Variants in IQSEC1 observed in about 807,000 individuals in gnomAD.
The protein encoded by IQSEC1 is IQ motif and SEC7 domain-containing protein 1.
A neutral mutation model predicts 91.0 loss-of-function variants in IQSEC1; 31 were observed. The ratio of observed to expected loss-of-function variants is 0.34; its 90% CI spans 0.26 to 0.46. The LOEUF (loss-of-function observed/expected upper bound fraction) is 0.46, where lower values mean the gene tolerates loss of function less well. Ranked by LOEUF, IQSEC1 falls within the 20% of genes least tolerant of loss-of-function variation. IQSEC1 has a pLI of 1.00. For missense variants in IQSEC1, 1,388 were observed against 1,575.6 expected (o/e 0.88, Z 2.02); for synonymous variants, 699 against 662.6 (o/e 1.05, Z -0.84).
chr3:12,967,684 C>A lies in IQSEC1; in HGVS notation c.24-25819G>T, dbSNP rs926693471. ...CCAAGCCCGCCCCTCCGCCGCCGCCCGCTTGGCGCAGCGCGAGGCCGGGCC... is the reference window on the plus strand; with the variant it reads ...CCAAGCCCGCCCCTCCGCCGCCGCCAGCTTGGCGCAGCGCGAGGCCGGGCC... On this transcript the variant is annotated intron_variant, in intron 1 of 13. Coordinates refer to ENST00000613206, the MANE Select transcript of IQSEC1 (RefSeq NM_001134382.3). The surrounding 1 kb of genome is among the most constrained non-coding windows in gnomAD (Gnocchi z 5.9). 2.6e-6 allele frequency: 3 copies of A among 1,162,318 alleles called. No individual in the cohort carries two copies. In the Admixed American group the frequency reaches 1.4e-4, roughly 55 times the overall value. The allele number at this position is 1,162,318 out of a possible 1,614,324, so 72.0% of individuals were successfully genotyped here.
chr3:13,054,067 C>T (rs975105622), intron 1 of IQSEC1, among the ~76,000 whole-genome samples: 1 of 152,184 alleles, frequency 6.6e-6, no homozygotes, highest in Non-Finnish European at 1.5e-5. Flanking sequence ...GGAAGCATTC[C>T]TCCCCTCGCC....
rs548811387 is a variant in IQSEC1 at position 12,908,039 on chromosome 3, G to C, written c.2755+310C>G. On this transcript the variant is annotated intron_variant, in intron 12 of 13. Coordinates refer to ENST00000613206, the MANE Select transcript of IQSEC1 (RefSeq NM_001134382.3). This position sits in a 1 kb window ranked among gnomAD's most constrained non-coding sequence, Gnocchi z 4.9. ...CACAGCCGCCGGCTCACTCGGGCTA[G>C]AGCGACTTCCCAGATCAATAAACAA... Among the ~76,000 whole-genome samples, 2 of 152,336 alleles carry C rather than the reference G, an allele frequency of 1.3e-5. No homozygotes were observed. Among genetic ancestry groups the C allele is most frequent in the South Asian group, 2.1e-4 (1 of 4,834 alleles).
At chr3:13,141,050 C>T (rs1354061983) in intron 2 of IQSEC1, among the ~76,000 whole-genome samples, 2 of 152,230 alleles carry the variant, frequency 1.3e-5, no homozygotes, top group South Asian at 2.1e-4. Flanking sequence ...GCAGTAATCC[C>T]GCTCACTCCA....
chr3:13,133,755 G>A (rs77170233), intron 2 of IQSEC1, among the ~76,000 whole-genome samples: 1 of 152,362 alleles, frequency 6.6e-6, no homozygotes, highest in African/African-American at 2.4e-5. Context: ...CTCCCCAAGG[G>A]GATGCTGCTT....
intron 2 of IQSEC1, among the ~76,000 whole-genome samples, chr3:13,162,696 C>T (rs917762500): frequency 9.2e-5 from 14 of 152,192 alleles, no homozygotes; most frequent in African/African-American, 2.7e-4. Flanking sequence ...TGTGTACTCT[C>T]ACACCCTGCT....
rs531661970 is a variant in IQSEC1 at position 13,236,489 on chromosome 3, G to C, written c.272+46222C>G. Among the ~76,000 whole-genome samples, 137 of 152,274 alleles carry C rather than the reference G, an allele frequency of 9.0e-4. 1 individual carries two copies. The Middle Eastern group carries it at 0.01, about 11-fold the overall frequency. ...ACACGGTGGTTCCAGATGGTCCTAA[G>C]GGTGCTCCAAACTTGTCCTGCTAAC... On this transcript the variant is annotated intron_variant, in intron 1 of 15. Coordinates refer to the IQSEC1 transcript ENST00000648114.
At chr3:13,283,119 C>T (rs1358385346) in exon 1 of IQSEC1, among the ~76,000 whole-genome samples, 3 of 144,964 alleles carry the variant, frequency 2.1e-5, no homozygotes, top group Non-Finnish European at 3.1e-5. Context: ...CTCCCGCCTC[C>T]GCCGGCGCCG....
intron 1 of IQSEC1, among the ~76,000 whole-genome samples, chr3:13,180,883 T>C (rs1223327641): frequency 6.6e-6 from 1 of 151,042 alleles, no homozygotes; most frequent in African/African-American, 2.4e-5. Context: ...ACTCCGGACA[T>C]GCCACCTTTA....
chr3:13,179,925 C>T (rs111849809), intron 1 of IQSEC1, among the ~76,000 whole-genome samples: 8 of 152,336 alleles, frequency 5.3e-5, no homozygotes, highest in African/African-American at 1.7e-4. Context: ...CTCAATTTCT[C>T]GCTGGGCCTT....
rs576216085 is a variant in IQSEC1 at position 12,996,743 on chromosome 3, A to G, written c.24-54878T>C. ...AGGAAAAAGATGACTAACCCATTAG[A>G]AAAAAGAGCAAAGGATATGAACAAG... On this transcript the variant is annotated intron_variant, in intron 1 of 13. Transcript: ENST00000613206. Among the ~76,000 whole-genome samples the G allele has an allele frequency of 1.6e-4, 24 of 152,384 alleles. No individual in the cohort carries two copies. In the East Asian group the frequency reaches 4.6e-3, roughly 29 times the overall value.
chr3:13,161,851 A>G (rs1295239623), intron 2 of IQSEC1, among the ~76,000 whole-genome samples: 5 of 152,034 alleles, frequency 3.3e-5, no homozygotes, highest in Non-Finnish European at 7.4e-5. Context: ...TGTGGCTCGG[A>G]GCTGGGACAT....
At chr3:13,127,150 C>T (rs926272695) in intron 2 of IQSEC1, among the ~76,000 whole-genome samples, 2 of 152,098 alleles carry the variant, frequency 1.3e-5, no homozygotes, top group South Asian at 2.1e-4. Flanking sequence ...CGGTGGCTCA[C>T]GCCTGTAATC....
chr3:13,190,640 G>A (rs558162569), intron 1 of IQSEC1, among the ~76,000 whole-genome samples: 3 of 152,130 alleles, frequency 2.0e-5, no homozygotes, highest in African/African-American at 7.2e-5. Flanking sequence ...CAGTGTCTAC[G>A]AAGGATGGAA....
chr3:13,241,921 G>A (rs542950895), intron 1 of IQSEC1, among the ~76,000 whole-genome samples: 121 of 152,378 alleles, frequency 7.9e-4, no homozygotes, highest in African/African-American at 2.6e-3. Flanking sequence ...AGAAGGTGGC[G>A]CCACTGAGTG....
At chr3:13,067,035 G>A (rs1705258906) in intron 1 of IQSEC1, among the ~76,000 whole-genome samples, 1 of 152,222 alleles carries the variant, frequency 6.6e-6, no homozygotes, top group Non-Finnish European at 1.5e-5. Flanking sequence ...TCCAGATGAG[G>A]TCAGAGGCCC....
intron 3 of IQSEC1, among the ~76,000 whole-genome samples, chr3:12,934,968 G>A (rs555420226): frequency 1.4e-4 from 21 of 151,638 alleles, no homozygotes; most frequent in African/African-American, 5.1e-4. Flanking sequence ...CCCAGACATG[G>A]CCTCAGGTCT....
At chr3:13,099,627 T>A (rs184878164) in intron 2 of IQSEC1, among the ~76,000 whole-genome samples, 55 of 152,316 alleles carry the variant, frequency 3.6e-4, no homozygotes, top group Admixed American at 1.8e-3. Context: ...CCTTACCTAT[T>A]GCCCGGGGCT....
chr3:13,166,179 G>A (rs1003220368), intron 1 of IQSEC1, among the ~76,000 whole-genome samples: 7 of 152,202 alleles, frequency 4.6e-5, no homozygotes, highest in Admixed American at 2.6e-4. Context: ...CAGCTCCTAC[G>A]TTTTTGGGGT....
intron 2 of IQSEC1, among the ~76,000 whole-genome samples, chr3:13,080,418 C>T (rs1175658494): frequency 6.6e-6 from 1 of 152,138 alleles, no homozygotes; most frequent in Non-Finnish European, 1.5e-5. Flanking sequence ...TTTGTCTATA[C>T]AGGGACACAG....
Sources: gnomAD v4.1 joint callset for allele counts (sites outside exome capture counted in the v4.1 genomes callset) on GRCh38, gnomAD v4.1.1 for gene constraint, Gnocchi (gnomAD v3.1) non-coding constraint, MANE v1.5 for transcripts, NCBI Gene and HGNC (gene_info 2026-07-23, HGNC 2026-07-21) for gene names.